Variants in ADARB2 observed in about 807,000 individuals in gnomAD.
The protein encoded by ADARB2 is adenosine deaminase RNA specific B2 (inactive).
A neutral mutation model predicts 62.2 loss-of-function variants in ADARB2; 25 were observed. The observed-to-expected ratio is 0.40, with a 90% CI of 0.29 to 0.56. The LOEUF (loss-of-function observed/expected upper bound fraction) is 0.56. Ranked by LOEUF, ADARB2 falls within the 20% of genes least tolerant of loss-of-function variation. ADARB2 has a pLI of 0.43. For missense variants in ADARB2, 1,071 were observed against 1,077.4 expected (o/e 0.99, Z 0.08); for synonymous variants, 572 against 500.8 (o/e 1.14, Z -1.90).
At chr10:1,448,903 C>A (rs764204846) in intron 1 of ADARB2, among the ~76,000 whole-genome samples, 8 of 152,208 alleles carry the variant, frequency 5.3e-5, no homozygotes, top group Non-Finnish European at 4.4e-5. Context: ...CCATGACTGA[C>A]ATCTCAGGGG....
intron 1 of ADARB2, among the ~76,000 whole-genome samples, chr10:1,616,992 T>TTG (rs1431627450): frequency 6.6e-6 from 1 of 151,400 alleles, no homozygotes; most frequent in Non-Finnish European, 1.5e-5. Flanking sequence ...TTACATTCTG[T>TTG]CGCTAGATGT....
chr10:1,415,252 G>A (rs1303490229), intron 1 of ADARB2, among the ~76,000 whole-genome samples: 1 of 151,398 alleles, frequency 6.6e-6, no homozygotes, highest in African/African-American at 2.4e-5. Context: ...GGGTACAAGG[G>A]TACATGAGTG....
intron 2 of ADARB2, among the ~76,000 whole-genome samples, chr10:1,364,350 G>T (rs1832294565): frequency 6.6e-6 from 1 of 152,200 alleles, no homozygotes; most frequent in Non-Finnish European, 1.5e-5. Context: ...GGGTCAGGGG[G>T]TCCGGCCCCC....
intron 1 of ADARB2, among the ~76,000 whole-genome samples, chr10:1,442,720 A>C (rs1374921883): frequency 6.6e-6 from 1 of 152,252 alleles, no homozygotes; most frequent in African/African-American, 2.4e-5. Flanking sequence ...GTATATGGTA[A>C]AAGCACAGAA....
At chr10:1,700,107 G>A (rs1378592028) in intron 1 of ADARB2, among the ~76,000 whole-genome samples, 2 of 5,748 alleles carry the variant, frequency 3.5e-4, no homozygotes, top group African/African-American at 7.6e-4. Flanking sequence ...CCACTCCACC[G>A]GGAGACCAGG....
At chr10:1,399,098 T>C (rs774362967) in intron 1 of ADARB2, among the ~76,000 whole-genome samples, 30 of 152,194 alleles carry the variant, frequency 2.0e-4, no homozygotes, top group Non-Finnish European at 4.3e-4. Flanking sequence ...TGAGAAGATT[T>C]GCAGGGACTG....
chr10:1,394,158 C>A (rs570880939), intron 1 of ADARB2, among the ~76,000 whole-genome samples: 1 of 152,256 alleles, frequency 6.6e-6, no homozygotes, highest in Admixed American at 6.5e-5. Flanking sequence ...GGCAACCACA[C>A]TCTAATCCCC....
At position 1,398,095 on chromosome 10, in the gene ADARB2, C is replaced by T. The variant is rs567949452; in HGVS notation, c.101-18935G>A. Among the ~76,000 whole-genome samples, 2 of 146,432 alleles carry T rather than the reference C, an allele frequency of 1.4e-5. No individual in the cohort carries two copies. Among genetic ancestry groups the T allele is most frequent in the African/African-American group, 5.1e-5 (2 of 39,184 alleles). ...CTTCCTGGGTCACCGCCCTCCTCTC[C>T]CCTCCCGAGTGCAGGCTTCCTGGGT... is the stretch of plus-strand genomic sequence containing the variant. On this transcript the variant is annotated intron_variant, in intron 1 of 9. Transcript: ENST00000381312. The surrounding 1 kb of genome is among the most constrained non-coding windows in gnomAD (Gnocchi z 4.1).
chr10:1,601,477 G>A lies in ADARB2; in HGVS notation c.100+135574C>T, dbSNP rs11250658. 7.5e-3 allele frequency among the ~76,000 whole-genome samples: 1,147 copies of A among 152,286 alleles called. 8 individuals are homozygous for A. The highest frequency in any genetic ancestry group is 0.011 in the Non-Finnish European group (767 of 68,026). ...GCATTCAATTTTCCTGTAACAACAT[G>A]ATTTAAAGCCTACTTTAAAAAATAA... On this transcript the variant is annotated intron_variant, in intron 1 of 9. Coordinates refer to ENST00000381312, the MANE Select transcript of ADARB2 (RefSeq NM_018702.4).
chr10:1,403,968 G>A (rs1270605429), intron 1 of ADARB2, among the ~76,000 whole-genome samples: 1 of 152,074 alleles, frequency 6.6e-6, no homozygotes, highest in African/African-American at 2.4e-5. Context: ...GCCAGTAGTT[G>A]TGGGGAGCGA....
chr10:1,689,303 T>C (rs987262620), intron 1 of ADARB2, among the ~76,000 whole-genome samples: 2 of 152,208 alleles, frequency 1.3e-5, no homozygotes, highest in South Asian at 4.1e-4. Flanking sequence ...AGGAAGATTG[T>C]AGGTGAGTTA....
chr10:1,199,593 C>G (rs796735712), intron 8 of ADARB2: 15 of 209,130 alleles, frequency 7.2e-5, no homozygotes, highest in African/African-American at 3.4e-4. Context: ...CCACCTGGCT[C>G]TTCCTCAGCA....
At position 1,200,150 on chromosome 10, in the gene ADARB2, G is replaced by A. The variant is rs1269917342; in HGVS notation, c.1683-3C>T. On this transcript the variant is annotated splice_polypyrimidine_tract_variant and splice_region_variant and intron_variant, in intron 7 of 9. Transcript: ENST00000381312. ...CCTGCAGCCCCAGGACGTTCCACCT[G>A]TGGGGAGAGCCAGCAGTCAGCGGAG... 2 of 1,550,200 alleles carry A rather than the reference G, an allele frequency of 1.3e-6. No homozygotes were observed. The highest frequency in any genetic ancestry group is 1.7e-6 in the Non-Finnish European group (2 of 1,146,996).
intron 3 of ADARB2, among the ~76,000 whole-genome samples, chr10:1,335,576 G>A (rs898039288): frequency 1.3e-5 from 2 of 152,124 alleles, no homozygotes; most frequent in Admixed American, 6.5e-5. Flanking sequence ...GATGGATAAG[G>A]GATGGAAACC....
At chr10:1,581,648 C>T (rs192817080) in intron 1 of ADARB2, among the ~76,000 whole-genome samples, 207 of 152,116 alleles carry the variant, frequency 1.4e-3, no homozygotes, top group Non-Finnish European at 2.7e-3. Context: ...GTGTGTATAC[C>T]TATATACATA....
In ADARB2 at chr10:1,363,790, C is replaced by T. The variant is rs762117300; in HGVS notation, c.315G>A (p.Gly105=). The T allele has an allele frequency of 3.1e-6, 5 of 1,599,434 alleles. No homozygotes were observed. Among genetic ancestry groups the T allele is most frequent in the Non-Finnish European group, 4.2e-6 (5 of 1,179,014 alleles). Residue 105 remains glycine, a synonymous_variant, in exon 3 of 10, where the codon GGG becomes GGA. Coordinates refer to ENST00000381312, the MANE Select transcript of ADARB2 (RefSeq NM_018702.4). ...GAKRKRPLEE[G]NGGHLCKLQL... is the part of the protein sequence containing the mutation. ...GCAGTTTGCACAAGTGGCCCCCATT[C>T]CCCTCCTCCAGCGGCCGCTTCCTCT...
chr10:1,704,757 C>T lies in ADARB2; in HGVS notation c.100+32294G>A, dbSNP rs962443143. ...TAAATCTGATAGGGTCTCAGAGAGC[C>T]TGGAAGCACAGAATGATAAAAAAGC... On this transcript the variant is annotated intron_variant, in intron 1 of 9. Coordinates refer to ENST00000381312, the MANE Select transcript of ADARB2 (RefSeq NM_018702.4). The surrounding 1 kb of genome is among the most constrained non-coding windows in gnomAD (Gnocchi z 5.6). Among the ~76,000 whole-genome samples, 7 of 152,096 alleles carry T rather than the reference C, an allele frequency of 4.6e-5. No individual in the cohort carries two copies. Among genetic ancestry groups the T allele is most frequent in the Admixed American group, 2.6e-4 (4 of 15,266 alleles).
intron 1 of ADARB2, among the ~76,000 whole-genome samples, chr10:1,459,148 C>A (rs778451009): frequency 1.3e-5 from 2 of 152,142 alleles, no homozygotes; most frequent in Non-Finnish European, 2.9e-5. Context: ...CCTCAAAGAA[C>A]CATTTGACCC....
intron 3 of ADARB2, among the ~76,000 whole-genome samples, chr10:1,306,586 GA>G (rs888550579): frequency 2.0e-5 from 3 of 150,078 alleles, no homozygotes; most frequent in Non-Finnish European, 3.0e-5. Flanking sequence ...AACCAAAAAA[GA>G]GCCCGCATCG....
Sources: allele counts gnomAD v4.1 joint callset (sites outside exome capture counted in the v4.1 genomes callset), GRCh38; gene constraint gnomAD v4.1.1; non-coding constraint Gnocchi (gnomAD v3.1); transcripts MANE v1.5; gene names NCBI Gene and HGNC (gene_info 2026-07-23, HGNC 2026-07-21).